Variants in BLCAP observed in about 807,000 individuals in gnomAD.
BLCAP encodes BLCAP apoptosis inducing factor.
BLCAP carries 1 observed loss-of-function variant against 5.7 expected under a neutral mutation model. That is an observed-to-expected ratio of 0.18 (90% CI 0.06 to 0.83). BLCAP has a LOEUF of 0.83. Ranked by LOEUF, BLCAP falls within the 40% of genes least tolerant of loss-of-function variation. The pLI is 0.71. For synonymous variants in BLCAP, 48 were observed against 49.4 expected (o/e 0.97, Z 0.11); for missense variants, 66 against 107.6 (o/e 0.61, Z 1.71).
rs148925303 is a variant in BLCAP at position 37,524,794 on chromosome 20, G to T, written c.-177+2999C>A. On this transcript the variant is annotated intron_variant, in intron 1 of 1. Coordinates refer to ENST00000373537, the MANE Select transcript of BLCAP (RefSeq NM_006698.4). ...ATCTAAAACTTCATTCGGTATCAGA[G>T]AATTATAGGGGTGGGGAGGTGCAGA... is the stretch of plus-strand genomic sequence containing the variant. Among the ~76,000 whole-genome samples the T allele has an allele frequency of 1.5e-4, 23 of 152,270 alleles. 1 individual carries two copies. The East Asian group carries it at 4.4e-3, about 29-fold the overall frequency.
chr20:37,520,824 C>CA (rs1398436062), intron 1 of BLCAP, among the ~76,000 whole-genome samples: 1 of 152,184 alleles, frequency 6.6e-6, no homozygotes, highest in Non-Finnish European at 1.5e-5. Flanking sequence ...CTGAAAGGGG[C>CA]ACCACGTTTT....
In BLCAP at chr20:37,518,419, T is replaced by A. The variant is rs1382071135; in HGVS notation, c.*492A>T. ...TTCAAATTCGAGATAAGTGCAAAAA[T>A]GAGCCCTGTCTTGGACAGGTACTCC... On this transcript the variant is annotated 3_prime_UTR_variant, in exon 2 of 2. Transcript: ENST00000373537. The A allele has an allele frequency of 6.5e-6, 1 of 153,620 alleles. No individual in the cohort carries two copies. Among genetic ancestry groups the A allele is most frequent in the Non-Finnish European group, 1.4e-5 (1 of 69,024 alleles). 9.5% of individuals were successfully genotyped at this position (153,620 alleles called of 1,614,324 possible).
At chr20:37,526,271 T>TCCCCC (rs11477433) in intron 1 of BLCAP, among the ~76,000 whole-genome samples, 176 of 125,190 alleles carry the variant, frequency 1.4e-3, no homozygotes, top group African/African-American at 3.5e-3. Flanking sequence ...GCAGTTAACT[T>TCCCCC]CCCCCCCCCA....
In BLCAP at chr20:37,521,548, C is replaced by T. The variant is rs912105416; in HGVS notation, c.-176-2198G>A. 1.9e-5 allele frequency: 15 copies of T among 789,426 alleles called. No individual in the cohort carries two copies. The African/African-American group carries it at 2.0e-4, about 11-fold the overall frequency. The allele number at this position is 789,426 out of a possible 1,614,324, so 48.9% of individuals were successfully genotyped here. A position where few individuals can be genotyped will look rare whatever the true frequency, so the allele number is the denominator to read the frequency against. On this transcript the variant is annotated intron_variant, in intron 1 of 1. Transcript: ENST00000373537. This position sits in a 1 kb window ranked among gnomAD's most constrained non-coding sequence, Gnocchi z 4.5. ...CCTGCCCAAGTGCCGCTGCCGGCAC[C>T]GCGCGCCCCCTGCCCATTCCCTGCG...
At chr20:37,527,607 G>C (rs1289091759) in intron 1 of BLCAP, 186 bp downstream of exon 1, 1 of 152,388 alleles carries the variant, frequency 6.6e-6, no homozygotes, top group Non-Finnish European at 1.5e-5. Flanking sequence ...CAAGGCCCAG[G>C]CTAGGTCCAA....
chr20:37,519,199 C>A lies in BLCAP; in HGVS notation c.-25G>T. ...TGATCTCTGCCGGGCAGGGCCTTCA[C>A]CAAGGCTGCCGGGCACCGCTGCAGG... On this transcript the variant is annotated 5_prime_UTR_variant, in exon 2 of 2. Coordinates refer to ENST00000373537, the MANE Select transcript of BLCAP (RefSeq NM_006698.4). 6.4e-7 allele frequency: 1 copy of A among 1,554,094 alleles called. No individual in the cohort carries two copies. Among genetic ancestry groups the A allele is most frequent in the Non-Finnish European group, 8.7e-7 (1 of 1,148,138 alleles).
rs1679982228 is a variant in BLCAP, at chr20:37,518,624, C to G, written c.*287G>C. ...CAGCTGACCAGGATGGACCCAGACT[C>G]CTCACAGTAATGAGGCGAGAGGGGT... On this transcript the variant is annotated 3_prime_UTR_variant, in exon 2 of 2. Coordinates refer to ENST00000373537, the MANE Select transcript of BLCAP (RefSeq NM_006698.4). The G allele has an allele frequency of 7.2e-6, 3 of 419,556 alleles. No homozygotes were observed. The highest frequency in any genetic ancestry group is 3.2e-4 in the Middle Eastern group (1 of 3,124). The allele number at this position is 419,556 out of a possible 1,614,324, so 26.0% of individuals were successfully genotyped here.
chr20:37,523,746 G>A (rs1487241048), intron 1 of BLCAP: 1 of 152,442 alleles, frequency 6.6e-6, no homozygotes, highest in Non-Finnish European at 1.5e-5. Flanking sequence ...AGACTCAGCT[G>A]ATGTGCCCAC....
Position 37,521,500 on chromosome 20 carries a change from T to A in BLCAP, c.-176-2150A>T. The A allele has an allele frequency of 8.0e-7, 1 of 1,244,238 alleles. No individual in the cohort carries two copies. The highest frequency in any genetic ancestry group is 1.2e-6 in the Non-Finnish European group (1 of 850,360). 77.1% of individuals were successfully genotyped at this position (1,244,238 alleles called of 1,614,324 possible). A position where few individuals can be genotyped will look rare whatever the true frequency, so the allele number is the denominator to read the frequency against. The stretch of plus-strand genomic sequence containing the variant: ...CGATTGCCGCTTCCCGGACCCGTCC[T>A]ATTCCGATTGCCGCGATCCTTGCCT... On this transcript the variant is annotated intron_variant, in intron 1 of 1. Coordinates refer to ENST00000373537, the MANE Select transcript of BLCAP (RefSeq NM_006698.4). This position sits in a 1 kb window ranked among gnomAD's most constrained non-coding sequence, Gnocchi z 4.5.
At position 37,517,969 on chromosome 20, in the gene BLCAP, A is replaced by G. The variant is rs536877098; in HGVS notation, c.*942T>C. ...AAGCTTCTTTAAAAGGAATATACAC[A>G]TGTATTTGTACACACACACACACAG... On this transcript the variant is annotated 3_prime_UTR_variant, in exon 2 of 2. Coordinates refer to ENST00000373537, the MANE Select transcript of BLCAP (RefSeq NM_006698.4). 18 of 148,622 alleles carry G rather than the reference A, an allele frequency of 1.2e-4. No individual in the cohort carries two copies. The East Asian group carries it at 3.5e-3, about 29-fold the overall frequency. 9.2% of individuals were successfully genotyped at this position (148,622 alleles called of 1,614,324 possible). A position where few individuals can be genotyped will look rare whatever the true frequency, so the allele number is the denominator to read the frequency against.
At chr20:37,522,598 G>GGGCC in intron 1 of BLCAP, 2 of 864,392 alleles carry the variant, frequency 2.3e-6, no homozygotes, top group Non-Finnish European at 1.7e-6. Context: ...GCGGGGGTGG[G>GGGCC]CACGGCAGCA....
In BLCAP at chr20:37,519,334, C is replaced by T. The variant is rs1213261512; in HGVS notation, c.-160G>A. ...CTCTCTGGCTGTCAGCCCGGGATCA[C>T]CAAGGCAGCAGGGATCCTGAAGAGA... On this transcript the variant is annotated 5_prime_UTR_variant, in exon 2 of 2. In the 5' UTR this introduces an upstream ATG that the reference lacks. Transcript: ENST00000373537. 5 of 669,316 alleles carry T rather than the reference C, an allele frequency of 7.5e-6. No homozygotes were observed. In the Admixed American group the frequency reaches 1.8e-4, roughly 24 times the overall value. The allele number at this position is 669,316 out of a possible 1,614,324, so 41.5% of individuals were successfully genotyped here.
intron 1 of BLCAP, among the ~76,000 whole-genome samples, chr20:37,526,270 T>A (rs1200426822): frequency 2.2e-5 from 1 of 46,194 alleles, no homozygotes; most frequent in Non-Finnish European, 7.5e-5. Context: ...TGCAGTTAAC[T>A]TCCCCCCCCC....
rs1033696536 is a variant in BLCAP, at chr20:37,522,749, C to G, written c.-176-3399G>C. On this transcript the variant is annotated intron_variant, in intron 1 of 1. Transcript: ENST00000373537. Reference sequence around the variant, plus strand: ...GTGTTGGGGGAGCGCAGGCAGCGAGCCCCCAACTGAGGCCCCAGCTCCCAG... The same window carrying G: ...GTGTTGGGGGAGCGCAGGCAGCGAGGCCCCAACTGAGGCCCCAGCTCCCAG... 5 of 1,603,534 alleles carry G rather than the reference C, an allele frequency of 3.1e-6. No individual in the cohort carries two copies. The South Asian group carries it at 5.6e-5, about 18-fold the overall frequency.
Position 37,517,541 on chromosome 20 carries a change from A to T in BLCAP, c.*1370T>A, listed in dbSNP as rs1205011883. On this transcript the variant is annotated 3_prime_UTR_variant, in exon 2 of 2. Coordinates refer to ENST00000373537, the MANE Select transcript of BLCAP (RefSeq NM_006698.4). ...CCTCACAGTCCCATTCCCTAGATGG[A>T]CTGCCTCCAGTTCTGTTCTCTGCCT... The T allele has an allele frequency of 6.6e-6, 1 of 152,536 alleles. No individual in the cohort carries two copies. The highest frequency in any genetic ancestry group is 1.5e-5 in the Non-Finnish European group (1 of 68,054). The allele number at this position is 152,536 out of a possible 1,614,324, so 9.4% of individuals were successfully genotyped here. A position where few individuals can be genotyped will look rare whatever the true frequency, so the allele number is the denominator to read the frequency against.
intron 1 of BLCAP, chr20:37,526,527 CAG>C (rs965095690): frequency 2.0e-5 from 3 of 151,566 alleles, no homozygotes; most frequent in African/African-American, 7.3e-5. Flanking sequence ...AGCAGGAAGT[CAG>C]AGAGGCAGGC....
chr20:37,521,081 G>T lies in BLCAP; in HGVS notation c.-176-1731C>A. On this transcript the variant is annotated intron_variant, in intron 1 of 1. Coordinates refer to ENST00000373537, the MANE Select transcript of BLCAP (RefSeq NM_006698.4). This position sits in a 1 kb window ranked among gnomAD's most constrained non-coding sequence, Gnocchi z 4.5. ...AATCTTCTGGAAGGGGGCTAAGATG[G>T]AACTCAGGAGGCGGGGGTCGGTATG... 1 of 556,838 alleles carries T rather than the reference G, an allele frequency of 1.8e-6. No individual in the cohort carries two copies. The highest frequency in any genetic ancestry group is 3.2e-6 in the Non-Finnish European group (1 of 309,008). 34.5% of individuals were successfully genotyped at this position (556,838 alleles called of 1,614,324 possible). A position where few individuals can be genotyped will look rare whatever the true frequency, so the allele number is the denominator to read the frequency against.
At chr20:37,526,472 G>A (rs1458861691) in intron 1 of BLCAP, among the ~76,000 whole-genome samples, 6 of 152,062 alleles carry the variant, frequency 3.9e-5, no homozygotes, top group South Asian at 2.1e-4. Context: ...CTCCCACAGG[G>A]CCCATGCATG....
At chr20:37,522,569 G>A (rs556736604) in intron 1 of BLCAP, 21 of 1,364,654 alleles carry the variant, frequency 1.5e-5, no homozygotes, top group Admixed American at 1.4e-4. Context: ...CTGGATGGGC[G>A]GGCGGGGCAG....
Sources: allele counts gnomAD v4.1 joint callset (sites outside exome capture counted in the v4.1 genomes callset), GRCh38; gene constraint gnomAD v4.1.1; non-coding constraint Gnocchi (gnomAD v3.1); transcripts MANE v1.5; gene names NCBI Gene and HGNC (gene_info 2026-07-23, HGNC 2026-07-21).